The following NAALADL2 variants were observed in gnomAD, a reference collection of about 807,000 sequenced individuals.
The protein encoded by NAALADL2 is inactive N-acetylated-alpha-linked acidic dipeptidase-like protein 2.
A neutral mutation model predicts 87.2 loss-of-function variants in NAALADL2; 76 were observed. That is an observed-to-expected ratio of 0.87 (90% CI 0.72 to 1.05). The LOEUF (loss-of-function observed/expected upper bound fraction) is 1.05, where lower values mean the gene tolerates loss of function less well. NAALADL2 is among the 50% of genes least tolerant of loss of function. The pLI, the probability that NAALADL2 is intolerant of heterozygous loss-of-function variation, is 0.00. For synonymous variants in NAALADL2, 354 were observed against 331.0 expected, an observed-to-expected ratio of 1.07 and a Z score of -0.75; for missense variants, 1,089 against 945.8, an observed-to-expected ratio of 1.15 and a Z score of -1.99.
chr3:175,009,413 C>T (rs1560470023), intron 1 of NAALADL2, among the ~76,000 whole-genome samples: 5 of 152,134 alleles, frequency 3.3e-5, no homozygotes, highest in East Asian at 1.9e-4. Context: ...CCACCATAAA[C>T]GAAAGCCATG....
In NAALADL2 at chr3:175,804,687, T is replaced by C. The variant is rs927867576; in HGVS notation, c.*1484T>C. On this transcript the variant is annotated 3_prime_UTR_variant, in exon 14 of 14. Coordinates refer to ENST00000454872, the MANE Select transcript of NAALADL2 (RefSeq NM_207015.3). ...TGTGTATGTTTAAATTTTCACTTTT[T>C]ATGGATGAGCATAAACCTAGTCTTA... is the stretch of plus-strand genomic sequence containing the variant. 1.3e-5 allele frequency: 2 copies of C among 151,724 alleles called. No individual in the cohort carries two copies. Among genetic ancestry groups the C allele is most frequent in the Non-Finnish European group, 3.0e-5 (2 of 67,796 alleles). 9.4% of individuals were successfully genotyped at this position (151,724 alleles called of 1,614,324 possible). A position where few individuals can be genotyped will look rare whatever the true frequency, so the allele number is the denominator to read the frequency against.
intron 3 of NAALADL2, among the ~76,000 whole-genome samples, chr3:174,843,472 G>T (rs1724249656): frequency 6.6e-6 from 1 of 151,984 alleles, no homozygotes; most frequent in African/African-American, 2.4e-5. Flanking sequence ...CCACGTCTTG[G>T]CTATTGTGAA....
At chr3:175,728,400 G>C (rs1357328661) in intron 11 of NAALADL2, among the ~76,000 whole-genome samples, 1 of 152,044 alleles carries the variant, frequency 6.6e-6, no homozygotes, top group East Asian at 1.9e-4. Context: ...TCTAATTTTG[G>C]GGGGAAATAA....
At chr3:175,616,741 G>A (rs1354928616) in intron 10 of NAALADL2, among the ~76,000 whole-genome samples, 1 of 152,124 alleles carries the variant, frequency 6.6e-6, no homozygotes, top group African/African-American at 2.4e-5. Context: ...TGTTCAGTTT[G>A]TGGGTTTCTG....
chr3:174,907,327 T>A (rs989464040), intron 1 of NAALADL2, among the ~76,000 whole-genome samples: 5 of 152,112 alleles, frequency 3.3e-5, no homozygotes, highest in Non-Finnish European at 7.4e-5. Flanking sequence ...TTGCTTGAAC[T>A]GAGATCTGAT....
intron 5 of NAALADL2, among the ~76,000 whole-genome samples, chr3:175,338,455 T>G (rs576933098): frequency 6.6e-6 from 1 of 151,750 alleles, no homozygotes; most frequent in Non-Finnish European, 1.5e-5. Flanking sequence ...TGGGGACAAC[T>G]TTGCCATTGG....
chr3:175,132,024 G>A (rs1296745116), intron 2 of NAALADL2, among the ~76,000 whole-genome samples: 7 of 133,674 alleles, frequency 5.2e-5, no homozygotes, highest in South Asian at 2.5e-4. Context: ...CTCCCGGACG[G>A]GGCGGCTGGC....
intron 7 of NAALADL2, among the ~76,000 whole-genome samples, chr3:175,464,249 A>T (rs1489479472): frequency 1.3e-5 from 2 of 151,906 alleles, no homozygotes; most frequent in Non-Finnish European, 2.9e-5. Flanking sequence ...CCATTGCCAA[A>T]TTTGTCAAAT....
intron 13 of NAALADL2, among the ~76,000 whole-genome samples, chr3:175,778,828 G>C (rs770108648): frequency 1.2e-4 from 18 of 152,082 alleles, no homozygotes; most frequent in Non-Finnish European, 2.1e-4. Context: ...GGGTAAGGGA[G>C]GCAAAATTTA....
chr3:174,546,886 TA>T (rs1560045798), intron 1 of NAALADL2, among the ~76,000 whole-genome samples: 1 of 152,116 alleles, frequency 6.6e-6, no homozygotes, highest in Non-Finnish European at 1.5e-5. Context: ...TACAGGTATG[TA>T]AATCTCTTGA....
chr3:174,471,247 G>A (rs1044713008), intron 1 of NAALADL2, among the ~76,000 whole-genome samples: 1 of 150,318 alleles, frequency 6.7e-6, no homozygotes. Flanking sequence ...AAGTTTTTCT[G>A]TAAATCCCTT....
intron 9 of NAALADL2, 54 bp downstream of exon 9, chr3:175,471,812 A>G: frequency 1.4e-6 from 2 of 1,426,822 alleles, no homozygotes; most frequent in Non-Finnish European, 1.9e-6. Context: ...CCTTTTCTCT[A>G]TATTTTGACA....
intron 2 of NAALADL2, among the ~76,000 whole-genome samples, chr3:174,626,414 A>G (rs1330188024): frequency 2.0e-5 from 3 of 152,086 alleles, no homozygotes; most frequent in Non-Finnish European, 2.9e-5. Context: ...TTAATTGACC[A>G]GCATTTTTTG....
chr3:175,097,896 A>G (rs1721430853), intron 2 of NAALADL2, among the ~76,000 whole-genome samples: 1 of 152,192 alleles, frequency 6.6e-6, no homozygotes. Flanking sequence ...GTCCTAGGTG[A>G]ATCATGTACG....
chr3:174,618,570 C>T (rs1235358726), intron 2 of NAALADL2, among the ~76,000 whole-genome samples: 1 of 151,800 alleles, frequency 6.6e-6, no homozygotes. Flanking sequence ...TTGGATTAAT[C>T]TACTGAAAGT....
chr3:175,327,155 T>C (rs1041254733), intron 5 of NAALADL2, among the ~76,000 whole-genome samples: 7 of 135,186 alleles, frequency 5.2e-5, no homozygotes, highest in East Asian at 4.1e-4. Context: ...TTTCTTTTTT[T>C]TTTTTTTTTT....
chr3:174,500,749 T>C (rs997150329), intron 1 of NAALADL2, among the ~76,000 whole-genome samples: 2 of 152,210 alleles, frequency 1.3e-5, no homozygotes, highest in African/African-American at 2.4e-5. Flanking sequence ...ATCAGTCTGT[T>C]ATTATGGTGA....
At chr3:174,923,459 AAG>A (rs914746950) in intron 1 of NAALADL2, among the ~76,000 whole-genome samples, 1 of 152,120 alleles carries the variant, frequency 6.6e-6, no homozygotes, top group African/African-American at 2.4e-5. Flanking sequence ...AGTAGAAGAA[AAG>A]AGAGAAATAG....
At chr3:175,802,773 A>T (rs543860756) in intron 13 of NAALADL2, among the ~76,000 whole-genome samples, 1 of 152,096 alleles carries the variant, frequency 6.6e-6, no homozygotes, top group East Asian at 1.9e-4. Context: ...TACTTCCATC[A>T]GGAGGCATAT....
Sources: allele counts gnomAD v4.1 joint callset (sites outside exome capture counted in the v4.1 genomes callset), GRCh38; gene constraint gnomAD v4.1.1; transcripts MANE v1.5; gene names NCBI Gene and HGNC (gene_info 2026-07-23, HGNC 2026-07-21).